Variants in DZANK1 observed in about 807,000 individuals in gnomAD.
DZANK1 encodes the protein double zinc ribbon and ankyrin repeat-containing protein 1.
DZANK1 carries 91 observed loss-of-function variants against 94.5 expected under a neutral mutation model. That is an observed-to-expected ratio of 0.96 (90% CI 0.81 to 1.15). The LOEUF is 1.15. Ranked by LOEUF, DZANK1 falls within the 50% of genes most tolerant of loss-of-function variation. The probability of loss-of-function intolerance (pLI) is 0.00; values close to 1 mark genes in which losing one functional copy is unlikely to be tolerated. For missense variants in DZANK1, 903 were observed against 916.4 expected (o/e 0.99, Z 0.19); for synonymous variants, 312 against 325.3 (o/e 0.96, Z 0.44).
At chr20:18,448,616 C>G (rs540590909) in intron 7 of DZANK1, among the ~76,000 whole-genome samples, 1 of 152,218 alleles carries the variant, frequency 6.6e-6, no homozygotes, top group South Asian at 2.1e-4. Context: ...CACCTGTAAT[C>G]TCAGCACTTT....
At chr20:18,451,736 C>A in intron 6 of DZANK1, 1 of 418,162 alleles carries the variant, frequency 2.4e-6, no homozygotes, top group East Asian at 5.9e-5. Context: ...TCAGGACAAA[C>A]CCTGAGAGGC....
In DZANK1 at chr20:18,390,354, G is replaced by T. The variant is rs745803659; in HGVS notation, c.1890+25C>A. 2.5e-6 allele frequency: 4 copies of T among 1,609,760 alleles called. No homozygotes were observed. The South Asian group carries it at 4.4e-5, about 18-fold the overall frequency. ...AATGCCAGGCTGAACTCTTCAGAGA[G>T]ACTGGCTCCTTTGGCAACACTTACC... On this transcript the variant is annotated intron_variant, in intron 18 of 20. Coordinates refer to ENST00000262547, the Ensembl canonical transcript of DZANK1.
chr20:18,461,623 G>A (rs6136382), intron 2 of DZANK1, among the ~76,000 whole-genome samples: 20,876 of 148,264 alleles, frequency 0.14, 1,632 homozygotes, highest in Admixed American at 0.18. Context: ...TTTTGAGACG[G>A]AGTTTCACTC....
rs751793136 is a variant in DZANK1, at chr20:18,453,846, C to CATATCA, written c.379-25_379-20dup. 1 of 1,362,572 alleles carries CATATCA rather than the reference C, an allele frequency of 7.3e-7. No homozygotes were observed. The highest frequency in any genetic ancestry group is 1.2e-5 in the South Asian group (1 of 85,974). The allele number at this position is 1,362,572 out of a possible 1,614,324, so 84.4% of individuals were successfully genotyped here. On this transcript the variant is annotated intron_variant, in intron 4 of 20. Coordinates refer to ENST00000262547, the Ensembl canonical transcript of DZANK1. ...TGAATTCCTAGGAATGAAGAGATTG[C>CATATCA]ATATCAATCACTTGGTTATTCCCAT...
In DZANK1 at chr20:18,398,478, C is replaced by T. The variant is rs555802178; in HGVS notation, c.1536+45G>A. 2.1e-5 allele frequency: 33 copies of T among 1,582,780 alleles called. No homozygotes were observed. The Admixed American group carries it at 5.0e-4, about 24-fold the overall frequency. Reference sequence around the variant, plus strand: ...AAAGTCCATGGAGGGTTCCTTCAGCCTGATCCCGTGGACACTTGTGGAGTG... The same window carrying T: ...AAAGTCCATGGAGGGTTCCTTCAGCTTGATCCCGTGGACACTTGTGGAGTG... On this transcript the variant is annotated intron_variant, in intron 14 of 20. Coordinates refer to ENST00000262547, the Ensembl canonical transcript of DZANK1.
At chr20:18,465,304 G>A (rs961436715) in exon 2 of DZANK1, 2 of 1,611,232 alleles carry the variant, frequency 1.2e-6, no homozygotes, top group Non-Finnish European at 1.7e-6. Flanking sequence ...GCTTTTCCAG[G>A]CTGAGGCACT....
At chr20:18,460,670 A>C (rs1318742231) in intron 2 of DZANK1, among the ~76,000 whole-genome samples, 1 of 152,144 alleles carries the variant, frequency 6.6e-6, no homozygotes, top group Admixed American at 6.5e-5. Flanking sequence ...CAGAACTTGC[A>C]GTGAGCTGAG....
intron 5 of DZANK1, among the ~76,000 whole-genome samples, chr20:18,452,955 G>T (rs908180611): frequency 6.6e-6 from 1 of 152,120 alleles, no homozygotes; most frequent in Non-Finnish European, 1.5e-5. Flanking sequence ...CATCTTCCCC[G>T]CTGCATTCTA....
intron 10 of DZANK1, among the ~76,000 whole-genome samples, chr20:18,425,125 C>T (rs181630853): frequency 6.6e-6 from 1 of 152,104 alleles, no homozygotes; most frequent in Non-Finnish European, 1.5e-5. Context: ...TATATAATTA[C>T]CAACATTCAT....
chr20:18,397,006 A>G (rs1201685479), intron 14 of DZANK1, among the ~76,000 whole-genome samples: 1 of 152,198 alleles, frequency 6.6e-6, no homozygotes, highest in Non-Finnish European at 1.5e-5. Context: ...GCCAAGGGAC[A>G]AGAAATGTTT....
chr20:18,383,576 GAGGGGAAA>G (rs2048311838), exon 21 of DZANK1: 1 of 152,224 alleles, frequency 6.6e-6, no homozygotes, highest in Admixed American at 6.5e-5. Context: ...TGTTTTAAAA[GAGGGGAAA>G]GAATATATAT....
chr20:18,423,860 T>C (rs925417017), intron 10 of DZANK1, among the ~76,000 whole-genome samples: 2 of 151,898 alleles, frequency 1.3e-5, no homozygotes, highest in South Asian at 2.1e-4. Flanking sequence ...ATAATTTGAG[T>C]TCTCATCTTA....
chr20:18,386,905 T>C (rs748204799), intron 19 of DZANK1, among the ~76,000 whole-genome samples: 2 of 152,194 alleles, frequency 1.3e-5, no homozygotes, highest in Non-Finnish European at 1.5e-5. Flanking sequence ...AATGAAGAAT[T>C]TGCCATAGAA....
intron 13 of DZANK1, among the ~76,000 whole-genome samples, chr20:18,404,558 T>C (rs905357996): frequency 6.6e-6 from 1 of 152,066 alleles, no homozygotes; most frequent in South Asian, 2.1e-4. Flanking sequence ...GTTGATACAA[T>C]ATATTATCTA....
chr20:18,395,966 C>G (rs1568885138), intron 15 of DZANK1, among the ~76,000 whole-genome samples: 1 of 152,188 alleles, frequency 6.6e-6, no homozygotes, highest in Non-Finnish European at 1.5e-5. Context: ...AATTTCCCTC[C>G]TTTTCCTTGG....
At position 18,465,370 on chromosome 20, in the gene DZANK1, C is replaced by T. The variant is rs533601419; in HGVS notation, c.-12G>A. On this transcript the variant is annotated 5_prime_UTR_variant, in exon 2 of 21. Coordinates refer to ENST00000262547, the Ensembl canonical transcript of DZANK1. ...GAACCAGCAGTCATTTTCTCTCTCTCTCTCTCTCTCTATATATATATACAT... is the reference window on the plus strand; with the variant it reads ...GAACCAGCAGTCATTTTCTCTCTCTTTCTCTCTCTCTATATATATATACAT... The T allele has an allele frequency of 1.6e-4, 233 of 1,430,138 alleles. 3 individuals are homozygous for T. In the South Asian group the frequency reaches 2.3e-3, roughly 14 times the overall value. The allele number at this position is 1,430,138 out of a possible 1,614,324, so 88.6% of individuals were successfully genotyped here. A position where few individuals can be genotyped will look rare whatever the true frequency, so the allele number is the denominator to read the frequency against.
At chr20:18,396,488 C>T in exon 15 of DZANK1, 1 of 1,613,230 alleles carries the variant, frequency 6.2e-7, no homozygotes, top group African/African-American at 1.3e-5. Context: ...TGAGACTTGA[C>T]TATAATTCAG....
intron 7 of DZANK1, among the ~76,000 whole-genome samples, chr20:18,446,821 A>T (rs1343828112): frequency 6.6e-6 from 1 of 152,216 alleles, no homozygotes; most frequent in Non-Finnish European, 1.5e-5. Context: ...GAGTGAAAAC[A>T]CTTCCTAACT....
chr20:18,392,664 C>T (rs1000453534), intron 17 of DZANK1, among the ~76,000 whole-genome samples: 3 of 152,204 alleles, frequency 2.0e-5, no homozygotes, highest in Non-Finnish European at 4.4e-5. Flanking sequence ...CTATTCTTGG[C>T]ATATATTTTT....
Sources: allele counts gnomAD v4.1 joint callset (sites outside exome capture counted in the v4.1 genomes callset), GRCh38; gene constraint gnomAD v4.1.1; transcripts MANE v1.5; gene names NCBI Gene and HGNC (gene_info 2026-07-23, HGNC 2026-07-21).